NFIB: variants seen among roughly 807,000 people sequenced by gnomAD.
NFIB encodes nuclear factor 1 B-type.
Under a neutral mutation model 61.5 loss-of-function variants are expected in NFIB, and 11 were observed. The observed-to-expected ratio is 0.18, with a 90% CI of 0.11 to 0.30. The LOEUF (loss-of-function observed/expected upper bound fraction) is 0.30, where lower values mean the gene tolerates loss of function less well. Among genes scored for constraint, NFIB ranks in the 10% least tolerant of loss-of-function variants. NFIB has a pLI of 1.00. For missense variants in NFIB, 471 were observed against 608.9 expected, an observed-to-expected ratio of 0.77 and a Z score of 2.38; for synonymous variants, 260 against 216.5, an observed-to-expected ratio of 1.20 and a Z score of -1.76.
chr9:14,110,795 T>C (rs1000182406), intron 10 of NFIB, among the ~76,000 whole-genome samples: 17 of 152,140 alleles, frequency 1.1e-4, no homozygotes, highest in Non-Finnish European at 1.9e-4. Context: ...AGTTTACTAA[T>C]ATACATCTAT....
the NFIB span, among the ~76,000 whole-genome samples, chr9:14,481,143 G>A: frequency 1.4e-5 from 2 of 140,790 alleles, no homozygotes; most frequent in East Asian, 2.1e-4. Flanking sequence ...TGGGTTCATG[G>A]ATAACTAATT....
chr9:14,486,158 G>C, the NFIB span, among the ~76,000 whole-genome samples: 1 of 152,216 alleles, frequency 6.6e-6, no homozygotes, highest in East Asian at 1.9e-4. Context: ...AACAGGGACA[G>C]AGTGGGGAAT....
rs539353357 is a variant in NFIB at position 14,173,659 on chromosome 9, T to A, written c.616+6068A>T. Among the ~76,000 whole-genome samples, 29 of 152,290 alleles carry A rather than the reference T, an allele frequency of 1.9e-4. 1 individual carries two copies. In the South Asian group the frequency reaches 5.6e-3, roughly 29 times the overall value. On this transcript the variant is annotated intron_variant, in intron 3 of 10. Coordinates refer to ENST00000380953, the MANE Select transcript of NFIB (RefSeq NM_001190737.2). ...GGTTCTTGGTATAAAATGGTGTGTA[T>A]TTTACACAAGGGCAAATGGCTGTCT...
the NFIB span, among the ~76,000 whole-genome samples, chr9:14,530,065 A>T: frequency 6.6e-6 from 1 of 152,222 alleles, no homozygotes; most frequent in Non-Finnish European, 1.5e-5. Context: ...GTAAAATTGT[A>T]GAGAGTAAAC....
chr9:14,224,526 A>C (rs2131861594), intron 2 of NFIB, among the ~76,000 whole-genome samples: 1 of 152,338 alleles, frequency 6.6e-6, no homozygotes, highest in East Asian at 1.9e-4. Context: ...AGAAAACAAA[A>C]ATTCCACAAA....
the NFIB span, among the ~76,000 whole-genome samples, chr9:14,523,263 C>T: frequency 6.6e-6 from 1 of 152,066 alleles, no homozygotes; most frequent in Non-Finnish European, 1.5e-5. Context: ...ATGCAGACAC[C>T]AACTTACAGT....
chr9:14,123,548 C>G (rs2039219038), intron 7 of NFIB, among the ~76,000 whole-genome samples: 1 of 152,226 alleles, frequency 6.6e-6, no homozygotes, highest in Non-Finnish European at 1.5e-5. Flanking sequence ...GTACACACAA[C>G]CTCAGGTACT....
chr9:14,349,698 G>A (rs138341048), intron 1 of NFIB, among the ~76,000 whole-genome samples: 1 of 152,264 alleles, frequency 6.6e-6, no homozygotes, highest in East Asian at 1.9e-4. Flanking sequence ...GGAGAAGGAG[G>A]GAAGTTAGCC....
intron 1 of NFIB, among the ~76,000 whole-genome samples, chr9:14,376,200 A>G (rs2061417302): frequency 6.6e-6 from 1 of 152,204 alleles, no homozygotes; most frequent in East Asian, 1.9e-4. Context: ...GGCTGGGACT[A>G]CAGGGATGCC....
chr9:14,206,996 A>C (rs1247703234), intron 2 of NFIB, among the ~76,000 whole-genome samples: 1 of 152,220 alleles, frequency 6.6e-6, no homozygotes, highest in Non-Finnish European at 1.5e-5. Context: ...TCCTCTTAGC[A>C]GCAAATATCT....
the NFIB span, among the ~76,000 whole-genome samples, chr9:14,516,595 C>T: frequency 2.0e-5 from 3 of 152,186 alleles, no homozygotes; most frequent in Admixed American, 6.5e-5. Context: ...AGTCCATATG[C>T]CCGGTCCTTA....
chr9:14,342,255 A>G (rs2060960711), intron 1 of NFIB, among the ~76,000 whole-genome samples: 1 of 152,224 alleles, frequency 6.6e-6, no homozygotes, highest in Admixed American at 6.5e-5. Context: ...AAATTATTTC[A>G]GGCAGCATTT....
intron 2 of NFIB, among the ~76,000 whole-genome samples, chr9:14,294,883 C>G (rs923317159): frequency 1.1e-4 from 16 of 152,248 alleles, no homozygotes; most frequent in Admixed American, 3.3e-4. Context: ...CTTTCCAAAC[C>G]TCCTGTGCAA....
At chr9:14,273,132 G>T (rs549056197) in intron 2 of NFIB, among the ~76,000 whole-genome samples, 1 of 152,110 alleles carries the variant, frequency 6.6e-6, no homozygotes, top group African/African-American at 2.4e-5. Context: ...GCTTTTGCTC[G>T]TCTGGGAAAA....
the NFIB span, among the ~76,000 whole-genome samples, chr9:14,490,464 TTTGA>T: frequency 6.6e-6 from 1 of 152,188 alleles, no homozygotes; most frequent in Admixed American, 6.5e-5. Flanking sequence ...GATTAATACA[TTTGA>T]TTATGTTAAA....
the NFIB span, among the ~76,000 whole-genome samples, chr9:14,481,602 C>T: frequency 6.3e-4 from 96 of 152,114 alleles, no homozygotes; most frequent in African/African-American, 2.0e-3. Context: ...ACTTCTCCTC[C>T]GTCGACTGAT....
Position 14,313,358 on chromosome 9 carries a change from G to C in NFIB, c.30+124C>G. ...CCCCGCGACGCCCGCTGCAACTCCG[G>C]GCCACTTCTCCAAGGGACGGGGATG... On this transcript the variant is annotated intron_variant, in intron 1 of 10. Coordinates refer to ENST00000380953, the MANE Select transcript of NFIB (RefSeq NM_001190737.2). This position sits in a 1 kb window ranked among gnomAD's most constrained non-coding sequence, Gnocchi z 4.5. 1 of 1,399,398 alleles carries C rather than the reference G, an allele frequency of 7.1e-7. No individual in the cohort carries two copies. The highest frequency in any genetic ancestry group is 9.8e-7 in the Non-Finnish European group (1 of 1,025,638). The allele number at this position is 1,399,398 out of a possible 1,614,324, so 86.7% of individuals were successfully genotyped here.
At chr9:14,396,410 G>A (rs1238299751) in intron 1 of NFIB, among the ~76,000 whole-genome samples, 2 of 152,104 alleles carry the variant, frequency 1.3e-5, no homozygotes, top group Non-Finnish European at 2.9e-5. Context: ...AGGAACTGTT[G>A]GCACGCCTCC....
intron 10 of NFIB, among the ~76,000 whole-genome samples, chr9:14,107,850 T>C (rs1420371262): frequency 1.3e-5 from 2 of 152,160 alleles, no homozygotes; most frequent in Admixed American, 6.6e-5. Flanking sequence ...TCTAAGTTAA[T>C]ATTTTCAGAA....
Sources: allele counts gnomAD v4.1 joint callset (sites outside exome capture counted in the v4.1 genomes callset), GRCh38; gene constraint gnomAD v4.1.1; non-coding constraint Gnocchi (gnomAD v3.1); transcripts MANE v1.5; gene names NCBI Gene and HGNC (gene_info 2026-07-23, HGNC 2026-07-21).